PPA1: variants seen among roughly 807,000 people sequenced by gnomAD.
PPA1 encodes the protein inorganic pyrophosphatase.
Under a neutral mutation model 41.8 loss-of-function variants are expected in PPA1, and 23 were observed. The observed-to-expected ratio is 0.55, with a 90% CI of 0.40 to 0.78. The LOEUF is 0.78. Ranked by LOEUF, PPA1 falls within the 30% of genes least tolerant of loss-of-function variation. PPA1 has a pLI of 0.00. For synonymous variants in PPA1, 101 were observed against 116.8 expected (o/e 0.86, Z 0.87); for missense variants, 320 against 361.6 (o/e 0.89, Z 0.93).
At chr10:70,210,430 A>T (rs776786890) in intron 6 of PPA1, 4 of 1,364,180 alleles carry the variant, frequency 2.9e-6, no homozygotes, top group Non-Finnish European at 2.9e-6. Flanking sequence ...CTAAAAGATA[A>T]GAAAAATAGA....
chr10:70,209,120 A>G, intron 8 of PPA1, 85 bp downstream of exon 8: 1 of 941,252 alleles, frequency 1.1e-6, no homozygotes. Flanking sequence ...AGTGAAAGTA[A>G]CAGTACAGTG....
At chr10:70,230,301 C>A in intron 2 of PPA1, 40 bp downstream of exon 2, 1 of 1,601,144 alleles carries the variant, frequency 6.2e-7, no homozygotes, top group South Asian at 1.1e-5. Context: ...ACTAGCTGAT[C>A]TGAGTAAAGA....
Position 70,210,745 on chromosome 10 carries a change from A to G in PPA1, c.512-1060T>C, listed in dbSNP as rs374172527. ...AACAAAAGCTTATTTATATTTGTAT[A>G]AGATAACATTGCTTCACTCCAATTT... On this transcript the variant is annotated intron_variant, in intron 6 of 10. Coordinates refer to ENST00000373232, the MANE Select transcript of PPA1 (RefSeq NM_021129.4). 6.6e-5 allele frequency among the ~76,000 whole-genome samples: 10 copies of G among 151,530 alleles called. No homozygotes were observed. The East Asian group carries it at 1.2e-3, about 18-fold the overall frequency.
rs1839991231 is a variant in PPA1 at position 70,209,583 on chromosome 10, G to T, written c.614C>A (p.Ala205Glu). The change falls in exon 7 of 11, where the codon GCG becomes GAG. Residue 205 changes from alanine to glutamate, a missense_variant. Coordinates refer to ENST00000373232, the MANE Select transcript of PPA1 (RefSeq NM_021129.4). The stretch of plus-strand genomic sequence containing the variant: ...CTTATCTTTAAATTCTGCATTAAAC[G>T]CAAACTCATTTTCTGGTTTTCCATC... Reference protein sequence around the residue: ...VPDGKPENEFAFNAEFKDKDF... With the variant: ...VPDGKPENEFEFNAEFKDKDF... The T allele has an allele frequency of 6.2e-7, 1 of 1,604,340 alleles. No homozygotes were observed. Among genetic ancestry groups the T allele is most frequent in the African/African-American group, 1.3e-5 (1 of 74,408 alleles).
chr10:70,209,853 T>C, intron 6 of PPA1, 168 bp from the exon 7 acceptor site: 2 of 770,816 alleles, frequency 2.6e-6, no homozygotes, highest in Non-Finnish European at 4.1e-6. Context: ...CAAGATAACA[T>C]TGGAGCGAAG....
intron 8 of PPA1, among the ~76,000 whole-genome samples, chr10:70,208,399 G>A (rs971920484): frequency 1.3e-4 from 19 of 151,926 alleles, no homozygotes; most frequent in African/African-American, 4.6e-4. Flanking sequence ...AGTGCAGTGG[G>A]GCAATCACAG....
chr10:70,215,470 C>CT (rs1218096615), intron 4 of PPA1, among the ~76,000 whole-genome samples: 4 of 151,384 alleles, frequency 2.6e-5, no homozygotes, highest in African/African-American at 9.7e-5. Context: ...TTTCTTCTTC[C>CT]TTTTTTTTCT....
Position 70,213,511 on chromosome 10 carries a change from T to C in PPA1, c.463A>G (p.Lys155Glu). ...TCATCCACATTAATGGCAATGACTT[T>C]CCAGTCGGTTTCCCCTTCGTCAATC... is the stretch of plus-strand genomic sequence containing the variant. ...AMIDEGETDW[K>E]VIAINVDDPD... Residue 155 changes from lysine to glutamate, a missense_variant, in exon 6 of 11, where the codon AAA (lysine) becomes GAA (glutamate). Physicochemically the swap from Lys to Glu is moderately conservative, Grantham distance 56. Transcript: ENST00000373232. 3 of 1,614,054 alleles carry C rather than the reference T, an allele frequency of 1.9e-6. No individual in the cohort carries two copies. Among genetic ancestry groups the C allele is most frequent in the Non-Finnish European group, 1.7e-6 (2 of 1,179,938 alleles).
At position 70,233,341 on chromosome 10, in the gene PPA1, T is replaced by TGCC. The variant is rs759261303; in HGVS notation, c.-17_-15dup. The TGCC allele has an allele frequency of 2.6e-6, 4 of 1,533,306 alleles. No homozygotes were observed. The highest frequency in any genetic ancestry group is 1.8e-4 in the Middle Eastern group (1 of 5,636). The allele number at this position is 1,533,306 out of a possible 1,614,324, so 95.0% of individuals were successfully genotyped here. On this transcript the variant is annotated 5_prime_UTR_variant, in exon 1 of 11. Transcript: ENST00000373232. Reference sequence around the variant, plus strand: ...GAAGCCGCTCATAGTGCCGGAGTCCTGCCGCCGCCGCTGCCACAGAGCCAC... The same window carrying TGCC: ...GAAGCCGCTCATAGTGCCGGAGTCCTGCCGCCGCCGCCGCTGCCACAGAGCCAC...
At chr10:70,206,798 C>T (rs1008478468) in intron 8 of PPA1, among the ~76,000 whole-genome samples, 4 of 143,954 alleles carry the variant, frequency 2.8e-5, no homozygotes, top group Non-Finnish European at 6.0e-5. Flanking sequence ...CAGCTGAGAT[C>T]GCGCCACTGC....
In PPA1 at chr10:70,233,408, G is replaced by C. The variant is rs1840316042; in HGVS notation, c.-81C>G. The C allele has an allele frequency of 3.3e-6, 5 of 1,495,176 alleles. No homozygotes were observed. The South Asian group carries it at 3.8e-5, about 11-fold the overall frequency. 92.6% of individuals were successfully genotyped at this position (1,495,176 alleles called of 1,614,324 possible). On this transcript the variant is annotated 5_prime_UTR_variant, in exon 1 of 11. Transcript: ENST00000373232. The stretch of plus-strand genomic sequence containing the variant: ...CCGACTGACAAGGAGAGAGCCCCAC[G>C]CCTGCGCACTGCGAGCACTGGACCG...
chr10:70,206,037 C>T (rs10999185), intron 9 of PPA1: 20,246 of 514,756 alleles, frequency 0.039, 1,247 homozygotes, highest in African/African-American at 0.21. Flanking sequence ...ATCTTACTAC[C>T]ATGCTATCTG....
chr10:70,221,077 T>TAAATTATATATATATATAA (rs1491245702), intron 2 of PPA1, among the ~76,000 whole-genome samples: 2 of 9,962 alleles, frequency 2.0e-4, no homozygotes, highest in Non-Finnish European at 1.9e-4. Context: ...TATATATATA[T>TAAATTATATATATATATAA]TTTTTTTTTT....
chr10:70,211,849 T>C (rs139769659), intron 6 of PPA1, among the ~76,000 whole-genome samples: 2 of 152,298 alleles, frequency 1.3e-5, no homozygotes, highest in Admixed American at 1.3e-4. Flanking sequence ...TACTACCAAG[T>C]AGTGAACAGA....
chr10:70,214,437 A>G (rs1303037830), intron 5 of PPA1, 63 bp downstream of exon 5: 1 of 1,331,808 alleles, frequency 7.5e-7, no homozygotes, highest in Non-Finnish European at 1.1e-6. Flanking sequence ...TTTTTAAAGT[A>G]TGAAATTTGG....
In PPA1 at chr10:70,213,696, T is replaced by C. The variant is rs1398591533; in HGVS notation, c.385-107A>G. The C allele has an allele frequency of 3.0e-6, 4 of 1,322,166 alleles. No homozygotes were observed. The East Asian group carries it at 7.4e-5, about 24-fold the overall frequency. The allele number at this position is 1,322,166 out of a possible 1,614,324, so 81.9% of individuals were successfully genotyped here. A position where few individuals can be genotyped will look rare whatever the true frequency, so the allele number is the denominator to read the frequency against. On this transcript the variant is annotated intron_variant, in intron 5 of 10. Transcript: ENST00000373232. ...GAAAGAGGCCAAGTTCTTGAGAATT[T>C]ACCTGAAGATTGTTCCTTTAAGCAA...
At chr10:70,224,619 T>C (rs1465902040) in intron 2 of PPA1, among the ~76,000 whole-genome samples, 1 of 152,254 alleles carries the variant, frequency 6.6e-6, no homozygotes, top group Non-Finnish European at 1.5e-5. Flanking sequence ...TTATTACTAA[T>C]GCAGTTAAGT....
At chr10:70,231,828 T>C (rs934977421) in intron 1 of PPA1, among the ~76,000 whole-genome samples, 1 of 152,206 alleles carries the variant, frequency 6.6e-6, no homozygotes, top group East Asian at 1.9e-4. Context: ...AGGAGTAGCT[T>C]TGGTCTCCCA....
At chr10:70,218,259 C>T (rs1840100224) in intron 3 of PPA1, among the ~76,000 whole-genome samples, 1 of 152,058 alleles carries the variant, frequency 6.6e-6, no homozygotes, top group Non-Finnish European at 1.5e-5. Flanking sequence ...TAAATATTAT[C>T]CAATTTTAGT....
Sources: allele counts gnomAD v4.1 joint callset (sites outside exome capture counted in the v4.1 genomes callset), GRCh38; gene constraint gnomAD v4.1.1; transcripts MANE v1.5; gene names NCBI Gene and HGNC (gene_info 2026-07-23, HGNC 2026-07-21).